UMAD1: variants seen among roughly 807,000 people sequenced by gnomAD.
The protein encoded by UMAD1 is UBAP1-MVB12-associated (UMA) domain containing 1, also known as UBAP1-MVB12-associated (UMA)-domain containing protein 1.
UMAD1 carries 8 observed loss-of-function variants against 6.1 expected under a neutral mutation model. That is an observed-to-expected ratio of 1.30 (90% CI 0.76 to 2.35). The LOEUF (loss-of-function observed/expected upper bound fraction) is 2.35, where lower values mean the gene tolerates loss of function less well. Among genes scored for constraint, UMAD1 ranks in the 30% most tolerant of loss-of-function variants. UMAD1 has a pLI of 0.00. For missense variants in UMAD1, 130 were observed against 78.4 expected, an observed-to-expected ratio of 1.66 and a Z score of -2.49; for synonymous variants, 56 against 31.4, an observed-to-expected ratio of 1.78 and a Z score of -2.61.
chr7:7,699,698 A>G (rs1487432852), intron 2 of UMAD1, among the ~76,000 whole-genome samples: 8 of 152,220 alleles, frequency 5.3e-5, no homozygotes, highest in Non-Finnish European at 1.0e-4. Context: ...GAGGGCAGAT[A>G]TATTTTTCAA....
At chr7:7,876,572 G>T (rs1238935276) in intron 3 of UMAD1, among the ~76,000 whole-genome samples, 7 of 152,146 alleles carry the variant, frequency 4.6e-5, no homozygotes, top group African/African-American at 1.7e-4. Flanking sequence ...CATATTAATT[G>T]TAAAGAAATT....
intron 3 of UMAD1, among the ~76,000 whole-genome samples, chr7:7,860,673 G>A (rs1784099035): frequency 6.6e-6 from 1 of 150,396 alleles, no homozygotes; most frequent in Non-Finnish European, 1.5e-5. Flanking sequence ...TACTCGGGAG[G>A]CTGAGGCAGG....
intron 2 of UMAD1, among the ~76,000 whole-genome samples, chr7:7,733,207 T>C (rs1436956138): frequency 1.3e-5 from 2 of 152,166 alleles, no homozygotes; most frequent in Non-Finnish European, 2.9e-5. Context: ...CCAGAATCTC[T>C]GGGTAGTCAG....
chr7:7,761,421 T>C (rs190289172), intron 2 of UMAD1, among the ~76,000 whole-genome samples: 75 of 151,708 alleles, frequency 4.9e-4, no homozygotes, highest in African/African-American at 1.8e-3. Flanking sequence ...TAGAAAATTG[T>C]TGTAATATGT....
chr7:7,806,034 T>C (rs551035627), intron 3 of UMAD1, among the ~76,000 whole-genome samples: 5 of 152,212 alleles, frequency 3.3e-5, no homozygotes, highest in Non-Finnish European at 7.3e-5. Flanking sequence ...AATGTCTTTG[T>C]CCATCTGCCA....
At chr7:7,852,083 T>G (rs1430450963) in intron 3 of UMAD1, among the ~76,000 whole-genome samples, 2 of 152,218 alleles carry the variant, frequency 1.3e-5, no homozygotes, top group African/African-American at 4.8e-5. Context: ...TTCATTATTT[T>G]GCTGTGACTA....
chr7:7,829,917 A>G (rs1783427694), intron 3 of UMAD1, among the ~76,000 whole-genome samples: 1 of 152,102 alleles, frequency 6.6e-6, no homozygotes. Context: ...AGAGTCTCCT[A>G]CCTGTCCTCT....
Position 7,660,815 on chromosome 7 carries a change from T to A in UMAD1, c.-63-12494T>A, listed in dbSNP as rs1003843031. 3.9e-5 allele frequency among the ~76,000 whole-genome samples: 6 copies of A among 152,316 alleles called. No homozygotes were observed. The South Asian group carries it at 1.2e-3, about 32-fold the overall frequency. ...CTTATCGAGGATTATCTTTGTGGTG[T>A]TCTCTGTATTTCCTGAATTTGAATG... On this transcript the variant is annotated intron_variant, in intron 1 of 3. Coordinates refer to ENST00000682710, the MANE Select transcript of UMAD1 (RefSeq NM_001302348.2).
chr7:7,795,398 C>T (rs537514041), intron 2 of UMAD1, among the ~76,000 whole-genome samples: 2 of 152,254 alleles, frequency 1.3e-5, no homozygotes, highest in South Asian at 2.1e-4. Flanking sequence ...TGCCTGTGTT[C>T]CTTGATTCTT....
At chr7:7,866,933 A>G (rs564715673) in intron 3 of UMAD1, among the ~76,000 whole-genome samples, 3 of 152,346 alleles carry the variant, frequency 2.0e-5, no homozygotes, top group East Asian at 3.9e-4. Context: ...AGAGAATGAC[A>G]TGAACCTGAA....
At position 7,673,364 on chromosome 7, in the gene UMAD1, CA is replaced by C. The variant is rs746607382; in HGVS notation, c.-7del. Reference sequence around the variant, plus strand: ...GCAGCAGCAGCAGCAGCAGCAGCAGCAGCAGCAATGTTTCACTTCTTCAGAA... The same window carrying C: ...GCAGCAGCAGCAGCAGCAGCAGCAGCGCAGCAATGTTTCACTTCTTCAGAA... On this transcript the variant is annotated 5_prime_UTR_variant, in exon 2 of 4. Coordinates refer to ENST00000682710, the MANE Select transcript of UMAD1 (RefSeq NM_001302348.2). 6.9e-5 allele frequency: 73 copies of C among 1,061,436 alleles called. No individual in the cohort carries two copies. The African/African-American group carries it at 1.1e-3, about 16-fold the overall frequency. The allele number at this position is 1,061,436 out of a possible 1,614,324, so 65.8% of individuals were successfully genotyped here. A position where few individuals can be genotyped will look rare whatever the true frequency, so the allele number is the denominator to read the frequency against.
intron 2 of UMAD1, among the ~76,000 whole-genome samples, chr7:7,718,824 C>T (rs924111585): frequency 6.6e-6 from 1 of 152,014 alleles, no homozygotes; most frequent in Non-Finnish European, 1.5e-5. Flanking sequence ...TATTTAACTT[C>T]TAGATTAATT....
At chr7:7,875,759 C>A (rs1784405242) in intron 3 of UMAD1, among the ~76,000 whole-genome samples, 1 of 152,160 alleles carries the variant, frequency 6.6e-6, no homozygotes, top group African/African-American at 2.4e-5. Flanking sequence ...CTGATCTAGG[C>A]ATGTGGAATA....
intron 3 of UMAD1, among the ~76,000 whole-genome samples, chr7:7,840,326 C>G (rs547797698): frequency 6.6e-6 from 1 of 152,012 alleles, no homozygotes; most frequent in Non-Finnish European, 1.5e-5. Context: ...GGTCTTCAAC[C>G]CCGACTGCAC....
At chr7:7,839,307 G>T (rs117267502) in intron 3 of UMAD1, among the ~76,000 whole-genome samples, 3,329 of 152,084 alleles carry the variant, frequency 0.022, 138 homozygotes, top group East Asian at 0.17. Flanking sequence ...AATCTCCTGG[G>T]CTCTGCCAGT....
chr7:7,727,851 G>C (rs945155402), intron 2 of UMAD1, among the ~76,000 whole-genome samples: 2 of 152,072 alleles, frequency 1.3e-5, no homozygotes, highest in Non-Finnish European at 2.9e-5. Flanking sequence ...TGGGACCTTT[G>C]TGTGAGTTTA....
intron 3 of UMAD1, among the ~76,000 whole-genome samples, chr7:7,828,023 A>C (rs921708023): frequency 6.6e-6 from 1 of 152,206 alleles, no homozygotes; most frequent in Non-Finnish European, 1.5e-5. Context: ...CTTCTTTTGA[A>C]TATGTCAGGT....
intron 2 of UMAD1, among the ~76,000 whole-genome samples, chr7:7,741,525 C>G (rs1029184985): frequency 9.3e-5 from 14 of 149,988 alleles, no homozygotes; most frequent in Admixed American, 8.6e-4. Context: ...TGCAGTGAGC[C>G]GAGATCACAT....
chr7:7,696,970 T>C (rs1189903786), intron 2 of UMAD1, among the ~76,000 whole-genome samples: 1 of 152,128 alleles, frequency 6.6e-6, no homozygotes, highest in Non-Finnish European at 1.5e-5. Context: ...AGCTATGACC[T>C]AAGCTTAGCA....
Sources: allele counts gnomAD v4.1 joint callset (sites outside exome capture counted in the v4.1 genomes callset), GRCh38; gene constraint gnomAD v4.1.1; transcripts MANE v1.5; gene names NCBI Gene and HGNC (gene_info 2026-07-23, HGNC 2026-07-21).